Variants in KCNT2 observed in about 807,000 individuals in gnomAD.
KCNT2 encodes potassium sodium-activated channel subfamily T member 2.
A neutral mutation model predicts 153.8 loss-of-function variants in KCNT2; 67 were observed. The observed-to-expected ratio is 0.44, with a 90% CI of 0.36 to 0.53. The LOEUF (loss-of-function observed/expected upper bound fraction) is 0.53. Among genes scored for constraint, KCNT2 ranks in the 20% least tolerant of loss-of-function variants. KCNT2 has a pLI of 0.00. For missense variants in KCNT2, 975 were observed against 1,354.8 expected, an observed-to-expected ratio of 0.72 and a Z score of 4.40; for synonymous variants, 500 against 458.8, an observed-to-expected ratio of 1.09 and a Z score of -1.15.
At chr1:196,596,060 A>G (rs1485029083) in intron 1 of KCNT2, among the ~76,000 whole-genome samples, 2 of 1,844 alleles carry the variant, frequency 1.1e-3, no homozygotes, top group African/African-American at 1.2e-3. Flanking sequence ...TGATGTGTAT[A>G]TATATATATA....
chr1:196,491,678 T>C (rs184161210), intron 2 of KCNT2, among the ~76,000 whole-genome samples: 22 of 152,180 alleles, frequency 1.4e-4, no homozygotes, highest in Admixed American at 1.1e-3. Context: ...TTTGTATTCT[T>C]GAAGTTCTAC....
intron 1 of KCNT2, among the ~76,000 whole-genome samples, chr1:196,560,674 C>G (rs1465442161): frequency 6.8e-6 from 1 of 148,116 alleles, no homozygotes; most frequent in Non-Finnish European, 1.5e-5. Flanking sequence ...AAAATGACTT[C>G]CTGTAATAAT....
chr1:196,293,684 T>C (rs1244589680), intron 22 of KCNT2, among the ~76,000 whole-genome samples: 1 of 151,692 alleles, frequency 6.6e-6, no homozygotes, highest in Non-Finnish European at 1.5e-5. Flanking sequence ...AAAAATCAAC[T>C]CAAAGACTTA....
intron 12 of KCNT2, among the ~76,000 whole-genome samples, chr1:196,414,916 AT>A (rs1486331146): frequency 1.2e-4 from 18 of 152,088 alleles, no homozygotes; most frequent in African/African-American, 4.1e-4. Flanking sequence ...CTGGAAGCAC[AT>A]AAAATGACAG....
chr1:196,398,700 G>T lies in KCNT2; in HGVS notation c.1186-29C>A, dbSNP rs757143320. 8 of 1,131,734 alleles carry T rather than the reference G, an allele frequency of 7.1e-6. No individual in the cohort carries two copies. The East Asian group carries it at 1.7e-4, about 24-fold the overall frequency. The allele number at this position is 1,131,734 out of a possible 1,614,324, so 70.1% of individuals were successfully genotyped here. On this transcript the variant is annotated intron_variant, in intron 12 of 27. Coordinates refer to ENST00000294725, the MANE Select transcript of KCNT2 (RefSeq NM_198503.5). ...AAGTGATCAAAATAAAAACATCATA[G>T]CATAAGTTACAATGTTTATAACATA...
chr1:196,286,433 G>A (rs1311339726), intron 22 of KCNT2, among the ~76,000 whole-genome samples: 2 of 152,098 alleles, frequency 1.3e-5, no homozygotes, highest in South Asian at 2.1e-4. Flanking sequence ...TTCAGACAGT[G>A]AGAAATTAAT....
chr1:196,423,196 C>A, intron 11 of KCNT2, 83 bp from the exon 12 acceptor site: 3 of 836,894 alleles, frequency 3.6e-6, no homozygotes, highest in South Asian at 1.6e-5. Context: ...GTCTTGAGTC[C>A]ATATATTGCA....
At chr1:196,507,300 A>G (rs903150899) in intron 1 of KCNT2, among the ~76,000 whole-genome samples, 1 of 152,172 alleles carries the variant, frequency 6.6e-6, no homozygotes, top group African/African-American at 2.4e-5. Context: ...AATTATCCAG[A>G]ACTTGAAAGT....
At chr1:196,337,643 C>G (rs751253815) in intron 16 of KCNT2, among the ~76,000 whole-genome samples, 6 of 152,068 alleles carry the variant, frequency 3.9e-5, no homozygotes, top group Non-Finnish European at 8.8e-5. Context: ...CACTTTAGGG[C>G]CTTTGTACCA....
intron 8 of KCNT2, among the ~76,000 whole-genome samples, chr1:196,443,606 G>A (rs1011505919): frequency 6.6e-6 from 1 of 151,546 alleles, no homozygotes; most frequent in African/African-American, 2.4e-5. Flanking sequence ...ACCAGCTTGT[G>A]GAATCAGGTG....
chr1:196,434,804 C>T (rs1046188427), intron 8 of KCNT2, among the ~76,000 whole-genome samples: 2 of 151,764 alleles, frequency 1.3e-5, no homozygotes, highest in African/African-American at 2.4e-5. Context: ...GACATTGCAG[C>T]TCTTTTTTCT....
intron 1 of KCNT2, among the ~76,000 whole-genome samples, chr1:196,579,778 C>T (rs1449901693): frequency 1.3e-5 from 2 of 151,984 alleles, no homozygotes; most frequent in African/African-American, 4.8e-5. Flanking sequence ...TGAGCATGAG[C>T]CACCACACTC....
At chr1:196,372,709 T>A (rs1291817492) in intron 14 of KCNT2, among the ~76,000 whole-genome samples, 2 of 151,956 alleles carry the variant, frequency 1.3e-5, no homozygotes, top group African/African-American at 4.8e-5. Context: ...TGACATCAAT[T>A]GTGTACATTA....
chr1:196,591,702 G>A (rs1663383747), intron 1 of KCNT2, among the ~76,000 whole-genome samples: 1 of 152,162 alleles, frequency 6.6e-6, no homozygotes, highest in African/African-American at 2.4e-5. Context: ...CAAGGATACT[G>A]TAAGTGTGGG....
At chr1:196,499,448 T>C (rs181043217) in intron 1 of KCNT2, among the ~76,000 whole-genome samples, 1 of 152,354 alleles carries the variant, frequency 6.6e-6, no homozygotes, top group Non-Finnish European at 1.5e-5. Context: ...ATCCCACATA[T>C]TAGTTAGGAC....
chr1:196,575,620 A>G (rs1558095720), intron 1 of KCNT2, among the ~76,000 whole-genome samples: 1 of 149,872 alleles, frequency 6.7e-6, no homozygotes, highest in Admixed American at 6.7e-5. Flanking sequence ...TATAATAAAT[A>G]ATATATAGAT....
At chr1:196,558,693 G>A (rs1315428375) in intron 1 of KCNT2, among the ~76,000 whole-genome samples, 2 of 151,376 alleles carry the variant, frequency 1.3e-5, no homozygotes, top group Admixed American at 6.6e-5. Context: ...TTTTCTAAGT[G>A]TTTTCCTGAA....
intron 8 of KCNT2, among the ~76,000 whole-genome samples, chr1:196,455,981 C>A (rs1022428492): frequency 5.9e-5 from 9 of 152,056 alleles, no homozygotes; most frequent in Admixed American, 5.3e-4. Context: ...TGTCCACCTA[C>A]ACTGGATCTC....
intron 11 of KCNT2, among the ~76,000 whole-genome samples, chr1:196,425,009 G>A (rs1204495793): frequency 6.6e-6 from 1 of 151,872 alleles, no homozygotes; most frequent in Non-Finnish European, 1.5e-5. Context: ...TTCAGTGGGA[G>A]ACTTTTAAAT....
Sources: allele counts gnomAD v4.1 joint callset (sites outside exome capture counted in the v4.1 genomes callset), GRCh38; gene constraint gnomAD v4.1.1; transcripts MANE v1.5; gene names NCBI Gene and HGNC (gene_info 2026-07-23, HGNC 2026-07-21).